ERMP1: variants seen among roughly 807,000 people sequenced by gnomAD.
ERMP1 encodes endoplasmic reticulum metallopeptidase 1.
Under a neutral mutation model 92.0 loss-of-function variants are expected in ERMP1, and 86 were observed. The observed-to-expected ratio is 0.93, with a 90% CI of 0.79 to 1.12. The LOEUF is 1.12. Ranked by LOEUF, ERMP1 falls within the 50% of genes most tolerant of loss-of-function variation. The pLI is 0.00. For missense variants in ERMP1, 1,342 were observed against 1,116.3 expected, an observed-to-expected ratio of 1.20 and a Z score of -2.88; for synonymous variants, 530 against 412.8, an observed-to-expected ratio of 1.28 and a Z score of -3.44.
chr9:5,812,769 T>C (rs779066103), intron 5 of ERMP1, 120 bp downstream of exon 5: 8 of 1,119,618 alleles, frequency 7.1e-6, no homozygotes, highest in African/African-American at 3.1e-5. Context: ...AGTCAATGTA[T>C]ATTTCTCACA....
intron 13 of ERMP1, among the ~76,000 whole-genome samples, chr9:5,788,199 A>G (rs556982390): frequency 2.6e-5 from 4 of 152,350 alleles, no homozygotes; most frequent in African/African-American, 7.2e-5. Context: ...CACATTTGAA[A>G]TAACCGTAAA....
chr9:5,827,397 G>C (rs994128711), intron 2 of ERMP1, among the ~76,000 whole-genome samples: 22 of 152,176 alleles, frequency 1.4e-4, no homozygotes, highest in African/African-American at 5.3e-4. Flanking sequence ...CTCACGTTTT[G>C]AGAAAGTTTA....
intron 5 of ERMP1, among the ~76,000 whole-genome samples, chr9:5,863,895 T>G (rs535647991): frequency 2.4e-4 from 36 of 152,330 alleles, no homozygotes; most frequent in Admixed American, 2.4e-3. Flanking sequence ...CTATATCATT[T>G]TTAGTGACTG....
chr9:5,810,674 A>G (rs1009834630), intron 7 of ERMP1, among the ~76,000 whole-genome samples: 1 of 152,194 alleles, frequency 6.6e-6, no homozygotes, highest in Non-Finnish European at 1.5e-5. Context: ...AACTGCTGCT[A>G]AATATTTTAT....
At chr9:5,836,003 C>G (rs1446846119), upstream of ERMP1, among the ~76,000 whole-genome samples, 1 of 152,186 alleles carries the variant, frequency 6.6e-6, no homozygotes, top group Non-Finnish European at 1.5e-5. Flanking sequence ...GTCTGGTGAG[C>G]TATTGATCAT....
chr9:5,852,172 G>T (rs1042831304), intron 6 of ERMP1, among the ~76,000 whole-genome samples: 1 of 152,086 alleles, frequency 6.6e-6, no homozygotes, highest in Admixed American at 6.5e-5. Flanking sequence ...AGAATCTTAA[G>T]GGTAATCAAG....
chr9:5,844,840 G>A (rs952971120), intron 6 of ERMP1, among the ~76,000 whole-genome samples: 1 of 152,164 alleles, frequency 6.6e-6, no homozygotes, highest in Non-Finnish European at 1.5e-5. Flanking sequence ...GTCTTCTAAA[G>A]TCACCATCTG....
chr9:5,793,120 A>G (rs1479256977), intron 13 of ERMP1, among the ~76,000 whole-genome samples: 1 of 152,194 alleles, frequency 6.6e-6, no homozygotes, highest in Non-Finnish European at 1.5e-5. Context: ...GATAAATGCT[A>G]GCAATGTTAC....
intron 6 of ERMP1, among the ~76,000 whole-genome samples, chr9:5,840,846 T>C (rs1250951152): frequency 1.3e-5 from 2 of 152,218 alleles, no homozygotes; most frequent in African/African-American, 4.8e-5. Context: ...TTGCATGGCA[T>C]TACAGAGGCC....
chr9:5,798,233 A>G (rs1490190634), intron 12 of ERMP1, among the ~76,000 whole-genome samples: 5 of 151,522 alleles, frequency 3.3e-5, no homozygotes, highest in African/African-American at 1.2e-4. Flanking sequence ...TTTTTCTTTG[A>G]GAGACAGAGT....
chr9:5,792,991 TG>T (rs1225648721), intron 13 of ERMP1, among the ~76,000 whole-genome samples: 1 of 152,192 alleles, frequency 6.6e-6, no homozygotes, highest in Non-Finnish European at 1.5e-5. Context: ...TATTCTTAAT[TG>T]ATCTAACAGA....
intron 6 of ERMP1, among the ~76,000 whole-genome samples, chr9:5,841,246 T>C (rs1249600667): frequency 2.0e-5 from 3 of 152,200 alleles, no homozygotes; most frequent in Non-Finnish European, 2.9e-5. Flanking sequence ...TTATAAAAAC[T>C]TGTTCACAAT....
rs1345571051 is a variant in ERMP1 at position 5,850,107 on chromosome 9, A to T, written n.3199+9361T>A. 3.3e-5 allele frequency among the ~76,000 whole-genome samples: 5 copies of T among 152,286 alleles called. 1 individual carries two copies. The Middle Eastern group carries it at 0.01, about 311-fold the overall frequency. ...CTGTTATCAGAGCAGGCCAGGGCCC[A>T]GGTCTCCCCCCCTTTACACTCTGTG... On this transcript the variant is annotated intron_variant and non_coding_transcript_variant, in intron 6 of 6. Transcript: ENST00000690753.
chr9:5,848,904 C>A (rs906954830), intron 6 of ERMP1, among the ~76,000 whole-genome samples: 4 of 152,088 alleles, frequency 2.6e-5, no homozygotes, highest in African/African-American at 9.7e-5. Flanking sequence ...AGAGGAGGGA[C>A]CTATGTGGCT....
At chr9:5,793,804 A>G (rs1828301577) in intron 13 of ERMP1, among the ~76,000 whole-genome samples, 1 of 152,154 alleles carries the variant, frequency 6.6e-6, no homozygotes, top group Admixed American at 6.5e-5. Context: ...TGGCAAACTC[A>G]TACAACTAAA....
At chr9:5,808,326 C>A (rs1377737303) in intron 8 of ERMP1, among the ~76,000 whole-genome samples, 1 of 152,242 alleles carries the variant, frequency 6.6e-6, no homozygotes, top group East Asian at 1.9e-4. Context: ...TAGCCACACT[C>A]TGATTACATA....
Position 5,820,821 on chromosome 9 carries a change from A to C in ERMP1, c.874+3075T>G, listed in dbSNP as rs557922395. On this transcript the variant is annotated intron_variant, in intron 4 of 14. Coordinates refer to ENST00000339450, the MANE Select transcript of ERMP1 (RefSeq NM_024896.3). ...CCCAGGAGGGCCTTTATCCTCTTTT[A>C]GTCAAACATGAAAATAACACTAACT... Among the ~76,000 whole-genome samples, 6 of 152,356 alleles carry C rather than the reference A, an allele frequency of 3.9e-5. No individual in the cohort carries two copies. The South Asian group carries it at 1.2e-3, about 32-fold the overall frequency.
intron 8 of ERMP1, among the ~76,000 whole-genome samples, chr9:5,806,556 G>A (rs1347979402): frequency 7.3e-5 from 11 of 151,562 alleles, no homozygotes; most frequent in Admixed American, 7.2e-4. Flanking sequence ...GCCTCCTGAA[G>A]TAACTGGGAC....
chr9:5,851,075 T>C (rs1047551685), intron 6 of ERMP1, among the ~76,000 whole-genome samples: 2 of 152,184 alleles, frequency 1.3e-5, no homozygotes, highest in African/African-American at 2.4e-5. Flanking sequence ...CAGAACAAAA[T>C]CTGAAGATGT....
Sources: allele counts gnomAD v4.1 joint callset (sites outside exome capture counted in the v4.1 genomes callset), GRCh38; gene constraint gnomAD v4.1.1; transcripts MANE v1.5; gene names NCBI Gene and HGNC (gene_info 2026-07-23, HGNC 2026-07-21).